PTPN13: variants seen among roughly 807,000 people sequenced by gnomAD.
The protein encoded by PTPN13 is tyrosine-protein phosphatase non-receptor type 13.
Under a neutral mutation model 284.0 loss-of-function variants are expected in PTPN13, and 191 were observed. That is an observed-to-expected ratio of 0.67 (90% CI 0.60 to 0.76). The LOEUF is 0.76. PTPN13 is among the 30% of genes least tolerant of loss of function. The pLI, the probability that PTPN13 is intolerant of heterozygous loss-of-function variation, is 0.00. For synonymous variants in PTPN13, 986 were observed against 1,022.3 expected (o/e 0.96, Z 0.68); for missense variants, 2,797 against 2,939.9 (o/e 0.95, Z 1.12).
At chr4:86,654,789 A>G (rs1725540968) in intron 2 of PTPN13, among the ~76,000 whole-genome samples, 2 of 152,052 alleles carry the variant, frequency 1.3e-5, no homozygotes, top group Admixed American at 1.3e-4. Flanking sequence ...CAATTCCTGG[A>G]TATCCTTGTT....
chr4:86,720,919 C>G (rs988036366), intron 9 of PTPN13, among the ~76,000 whole-genome samples: 7 of 151,874 alleles, frequency 4.6e-5, no homozygotes, highest in Non-Finnish European at 8.8e-5. Context: ...CTTTCAGTGA[C>G]CAAAAAGGGC....
At chr4:86,775,706 C>A in intron 35 of PTPN13, 54 bp downstream of exon 35, 2 of 1,295,236 alleles carry the variant, frequency 1.5e-6, no homozygotes, top group South Asian at 1.3e-5. Flanking sequence ...CATTTCAGGT[C>A]ATTGATTATA....
intron 6 of PTPN13, 39 bp downstream of exon 6, chr4:86,693,713 T>C (rs901310835): frequency 7.2e-7 from 1 of 1,395,318 alleles, no homozygotes; most frequent in South Asian, 1.4e-5. Flanking sequence ...GGCTTTAACC[T>C]TATCCCATTG....
At chr4:86,772,142 T>C (rs1740068992) in intron 31 of PTPN13, among the ~76,000 whole-genome samples, 1 of 152,226 alleles carries the variant, frequency 6.6e-6, no homozygotes, top group South Asian at 2.1e-4. Context: ...CCTTATTATG[T>C]TGAAACACAC....
At chr4:86,679,053 A>G (rs1055124016) in intron 3 of PTPN13, among the ~76,000 whole-genome samples, 1 of 152,184 alleles carries the variant, frequency 6.6e-6, no homozygotes, top group Non-Finnish European at 1.5e-5. Flanking sequence ...TCAAGTTCGT[A>G]CTGTATTGGC....
intron 2 of PTPN13, among the ~76,000 whole-genome samples, chr4:86,645,517 G>C (rs1034069055): frequency 6.6e-6 from 1 of 152,098 alleles, no homozygotes; most frequent in Non-Finnish European, 1.5e-5. Flanking sequence ...TGTTTAACAA[G>C]TTGAAAGATA....
intron 1 of PTPN13, among the ~76,000 whole-genome samples, chr4:86,612,309 C>A (rs1310258639): frequency 1.3e-5 from 2 of 152,102 alleles, no homozygotes; most frequent in African/African-American, 4.8e-5. Flanking sequence ...AAAACTGACA[C>A]AGAGGTTAGA....
intron 1 of PTPN13, among the ~76,000 whole-genome samples, 175 bp from the exon 2 acceptor site, chr4:86,635,077 T>C (rs937535807): frequency 5.3e-5 from 8 of 152,190 alleles, no homozygotes; most frequent in Admixed American, 4.6e-4. Context: ...TGAGGGTTTT[T>C]CCCTCCAATT....
intron 7 of PTPN13, among the ~76,000 whole-genome samples, chr4:86,707,040 A>G (rs1731849297): frequency 6.6e-6 from 1 of 152,076 alleles, no homozygotes; most frequent in African/African-American, 2.4e-5. Context: ...TCTTTCTTGT[A>G]ATGTGATTAC....
chr4:86,621,337 C>T (rs1554293469), intron 1 of PTPN13, among the ~76,000 whole-genome samples: 1 of 152,176 alleles, frequency 6.6e-6, no homozygotes, highest in Non-Finnish European at 1.5e-5. Context: ...TAATTAAGTT[C>T]AGTTCCACTC....
intron 40 of PTPN13, among the ~76,000 whole-genome samples, chr4:86,788,813 G>C (rs1429827018): frequency 1.3e-5 from 2 of 152,164 alleles, no homozygotes; most frequent in African/African-American, 2.4e-5. Context: ...TAGTCAGCTT[G>C]AGGGAAGTAC....
chr4:86,718,257 A>G (rs1471667487), intron 9 of PTPN13, among the ~76,000 whole-genome samples: 1 of 152,156 alleles, frequency 6.6e-6, no homozygotes, highest in African/African-American at 2.4e-5. Context: ...TTCAGATGCT[A>G]CCAAATAGAA....
At chr4:86,698,856 T>A (rs1214371169) in intron 6 of PTPN13, among the ~76,000 whole-genome samples, 1 of 152,114 alleles carries the variant, frequency 6.6e-6, no homozygotes, top group Admixed American at 6.6e-5. Flanking sequence ...GGAAATGTGG[T>A]TAACAGAGGA....
chr4:86,755,166 A>G (rs1199044266), intron 20 of PTPN13, among the ~76,000 whole-genome samples: 1 of 152,096 alleles, frequency 6.6e-6, no homozygotes, highest in Non-Finnish European at 1.5e-5. Context: ...ATTATTCATC[A>G]CTTAGAACAA....
chr4:86,660,404 T>A (rs938877756), intron 2 of PTPN13, among the ~76,000 whole-genome samples: 1 of 151,732 alleles, frequency 6.6e-6, no homozygotes, highest in African/African-American at 2.4e-5. Context: ...AGGTTTTTTT[T>A]TAAAAAAAAG....
Position 86,656,577 on chromosome 4 carries a change from C to G in PTPN13, c.116-15788C>G, listed in dbSNP as rs188777413. Among the ~76,000 whole-genome samples the G allele has an allele frequency of 2.1e-3, 327 of 152,260 alleles. 5 individuals carry two copies. Among genetic ancestry groups the G allele is most frequent in the Non-Finnish European group, 8.7e-4 (59 of 68,032 alleles). ...CAGCAAATGTTGCTGCCTGATCGTT[C>G]CTCTGGAAGCTTTGTCTGAGAGGAG... On this transcript the variant is annotated intron_variant, in intron 2 of 47. Transcript: ENST00000411767.
intron 3 of PTPN13, 87 bp from the exon 4 acceptor site, chr4:86,686,623 G>T: frequency 1.2e-6 from 1 of 868,498 alleles, no homozygotes; most frequent in Non-Finnish European, 1.8e-6. Flanking sequence ...TATTTTCTTT[G>T]GAACAAAATA....
At position 86,814,613 on chromosome 4, in the gene PTPN13, C is replaced by G; in HGVS notation, c.*62C>G. 3.0e-6 allele frequency: 4 copies of G among 1,327,110 alleles called. No individual in the cohort carries two copies. The highest frequency in any genetic ancestry group is 4.3e-6 in the Non-Finnish European group (4 of 932,434). 82.2% of individuals were successfully genotyped at this position (1,327,110 alleles called of 1,614,324 possible). A position where few individuals can be genotyped will look rare whatever the true frequency, so the allele number is the denominator to read the frequency against. ...CCTTAACCTCCAGCAGACTCCTGCTCTCTATCCAAAATAAAGATCACAGAG... is the reference window on the plus strand; with the variant it reads ...CCTTAACCTCCAGCAGACTCCTGCTGTCTATCCAAAATAAAGATCACAGAG... On this transcript the variant is annotated 3_prime_UTR_variant, in exon 48 of 48. Coordinates refer to ENST00000411767, the MANE Select transcript of PTPN13 (RefSeq NM_080683.3).
intron 35 of PTPN13, among the ~76,000 whole-genome samples, chr4:86,776,985 C>T (rs771732676): frequency 1.3e-5 from 2 of 152,220 alleles, no homozygotes; most frequent in African/African-American, 2.4e-5. Context: ...AACTTCATGC[C>T]TGCTACCCAT....
Sources: allele counts gnomAD v4.1 joint callset (sites outside exome capture counted in the v4.1 genomes callset), GRCh38; gene constraint gnomAD v4.1.1; transcripts MANE v1.5; gene names NCBI Gene and HGNC (gene_info 2026-07-23, HGNC 2026-07-21).